DLGAP2: variants seen among roughly 807,000 people sequenced by gnomAD.
DLGAP2 encodes the protein disks large-associated protein 2.
DLGAP2 carries 26 observed loss-of-function variants against 100.3 expected under a neutral mutation model. The ratio of observed to expected loss-of-function variants is 0.26; its 90% CI spans 0.19 to 0.36. The LOEUF is 0.36. Ranked by LOEUF, DLGAP2 falls within the 10% of genes least tolerant of loss-of-function variation. DLGAP2 has a pLI of 1.00. For synonymous variants in DLGAP2, 886 were observed against 630.1 expected (o/e 1.41, Z -6.08); for missense variants, 1,858 against 1,453.2 (o/e 1.28, Z -4.53).
chr8:1,158,518 T>C (rs1193844704), intron 2 of DLGAP2, among the ~76,000 whole-genome samples: 1 of 152,244 alleles, frequency 6.6e-6, no homozygotes, highest in Non-Finnish European at 1.5e-5. Context: ...CAGTGGTGTG[T>C]ATGTGAGTGG....
intron 2 of DLGAP2, among the ~76,000 whole-genome samples, chr8:1,206,381 G>A (rs370097432): frequency 2.0e-5 from 3 of 150,760 alleles, no homozygotes; most frequent in Non-Finnish European, 4.4e-5. Flanking sequence ...GACTGTGAGC[G>A]GTTAATCTCC....
chr8:1,701,458 T>G lies in DLGAP2; in HGVS notation c.*52T>G. On this transcript the variant is annotated 3_prime_UTR_variant, in exon 15 of 15. Transcript: ENST00000637795. Reference sequence around the variant, plus strand: ...TCGCTTCCGCTTTCCCGGACGCTTGTGCAGCGCGGCGCCGCCCTGGTGGTT... The same window carrying G: ...TCGCTTCCGCTTTCCCGGACGCTTGGGCAGCGCGGCGCCGCCCTGGTGGTT... 6.6e-7 allele frequency: 1 copy of G among 1,521,790 alleles called. No homozygotes were observed. Among genetic ancestry groups the G allele is most frequent in the Non-Finnish European group, 8.8e-7 (1 of 1,131,596 alleles). 94.3% of individuals were successfully genotyped at this position (1,521,790 alleles called of 1,614,324 possible).
At chr8:1,426,763 C>G (rs1355465974) in intron 3 of DLGAP2, among the ~76,000 whole-genome samples, 2 of 152,076 alleles carry the variant, frequency 1.3e-5, no homozygotes, top group Non-Finnish European at 2.9e-5. Context: ...GCTTCCACGT[C>G]TTGAAGAAAA....
intron 2 of DLGAP2, among the ~76,000 whole-genome samples, chr8:930,287 G>A (rs900031531): frequency 2.0e-5 from 3 of 152,170 alleles, no homozygotes; most frequent in African/African-American, 7.2e-5. Flanking sequence ...ATCAGTGCAC[G>A]ATCCACCTGC....
At position 1,549,230 on chromosome 8, in the gene DLGAP2, G is replaced by A. The variant is rs908408398; in HGVS notation, c.777G>A (p.Ala259=). ...SSKSNANGTK[A]DGRADDHHHA... is the part of the protein sequence containing the mutation. ...AAAGCAACGCCAACGGCACCAAGGCGGACGGCCGGGCGGACGACCACCACC... is the reference window on the plus strand; with the variant it reads ...AAAGCAACGCCAACGGCACCAAGGCAGACGGCCGGGCGGACGACCACCACC... Residue 259 remains alanine, a synonymous_variant, in exon 5 of 15, where the codon GCG becomes GCA. Coordinates refer to ENST00000637795, the MANE Select transcript of DLGAP2 (RefSeq NM_001346810.2). The A allele has an allele frequency of 7.5e-6, 12 of 1,605,314 alleles. No individual in the cohort carries two copies. Among genetic ancestry groups the A allele is most frequent in the African/African-American group, 2.7e-5 (2 of 74,782 alleles).
At chr8:1,130,460 G>T (rs546411923) in intron 2 of DLGAP2, among the ~76,000 whole-genome samples, 3 of 152,136 alleles carry the variant, frequency 2.0e-5, no homozygotes, top group Non-Finnish European at 4.4e-5. Flanking sequence ...AGCATGAACC[G>T]CCGTACGCTT....
intron 2 of DLGAP2, among the ~76,000 whole-genome samples, chr8:1,241,445 C>G (rs1279542103): frequency 1.3e-5 from 2 of 152,246 alleles, no homozygotes; most frequent in Non-Finnish European, 2.9e-5. Flanking sequence ...CTGGAGCTCT[C>G]TCACACCCTG....
intron 1 of DLGAP2, among the ~76,000 whole-genome samples, chr8:773,720 G>C (rs1191783963): frequency 6.6e-6 from 1 of 151,962 alleles, no homozygotes; most frequent in African/African-American, 2.4e-5. Context: ...GTGTATATAT[G>C]CCACATTTTC....
chr8:1,162,750 G>A (rs1796915675), intron 2 of DLGAP2, among the ~76,000 whole-genome samples: 1 of 152,214 alleles, frequency 6.6e-6, no homozygotes, highest in Non-Finnish European at 1.5e-5. Context: ...CATGGAGGCT[G>A]TGTCCGTTGT....
chr8:1,092,767 A>G (rs1804227684), intron 2 of DLGAP2, among the ~76,000 whole-genome samples: 1 of 152,156 alleles, frequency 6.6e-6, no homozygotes, highest in African/African-American at 2.4e-5. Context: ...CTCTCCCAGC[A>G]ACACAGATGG....
At chr8:975,409 TC>T (rs1198617020) in intron 2 of DLGAP2, among the ~76,000 whole-genome samples, 1 of 152,046 alleles carries the variant, frequency 6.6e-6, no homozygotes, top group African/African-American at 2.4e-5. Flanking sequence ...TATTTAGCAT[TC>T]CCCTCAAATC....
intron 2 of DLGAP2, among the ~76,000 whole-genome samples, chr8:915,739 G>A (rs868235547): frequency 2.6e-5 from 4 of 152,136 alleles, no homozygotes; most frequent in Non-Finnish European, 5.9e-5. Context: ...CTCTCTGTCC[G>A]TCCGTCAGTT....
intron 3 of DLGAP2, among the ~76,000 whole-genome samples, chr8:1,450,549 C>T (rs936123474): frequency 1.3e-5 from 2 of 151,944 alleles, no homozygotes; most frequent in Non-Finnish European, 2.9e-5. Flanking sequence ...TAAGGCACTG[C>T]GGGGCTGGCA....
At chr8:1,606,188 G>A (rs370223803) in intron 6 of DLGAP2, among the ~76,000 whole-genome samples, 12 of 152,138 alleles carry the variant, frequency 7.9e-5, no homozygotes, top group African/African-American at 2.2e-4. Flanking sequence ...CTGAACGTAC[G>A]GTTCATTTCA....
chr8:1,224,145 G>A (rs865863917), intron 2 of DLGAP2, among the ~76,000 whole-genome samples: 2 of 152,142 alleles, frequency 1.3e-5, no homozygotes, highest in Non-Finnish European at 2.9e-5. Flanking sequence ...TCCTCTCAAA[G>A]GAGCCATTGT....
intron 2 of DLGAP2, among the ~76,000 whole-genome samples, chr8:1,139,918 G>C (rs1391006937): frequency 6.6e-6 from 1 of 152,162 alleles, no homozygotes; most frequent in Non-Finnish European, 1.5e-5. Flanking sequence ...ATTTCCCTGA[G>C]GTCACACGGC....
chr8:803,662 C>G (rs1351233802), intron 1 of DLGAP2, among the ~76,000 whole-genome samples: 1 of 152,126 alleles, frequency 6.6e-6, no homozygotes, highest in East Asian at 1.9e-4. Flanking sequence ...CAGTTAGAAG[C>G]AGGGCTGCCT....
intron 3 of DLGAP2, among the ~76,000 whole-genome samples, chr8:1,376,522 T>C (rs951554325): frequency 3.3e-5 from 5 of 152,174 alleles, no homozygotes; most frequent in African/African-American, 1.2e-4. Context: ...GCTGGTACAA[T>C]TGAGGCGCTT....
At chr8:1,452,364 A>G (rs7839699) in intron 3 of DLGAP2, among the ~76,000 whole-genome samples, 76,916 of 151,914 alleles carry the variant, frequency 0.51, 20,040 homozygotes, top group East Asian at 0.84. Context: ...GAACAGCACC[A>G]AACATCAGCC....
Sources: allele counts gnomAD v4.1 joint callset (sites outside exome capture counted in the v4.1 genomes callset), GRCh38; gene constraint gnomAD v4.1.1; transcripts MANE v1.5; gene names NCBI Gene and HGNC (gene_info 2026-07-23, HGNC 2026-07-21).